RSRC1: variants seen among roughly 807,000 people sequenced by gnomAD.
RSRC1 encodes serine/Arginine-related protein 53.
RSRC1 carries 39 observed loss-of-function variants against 49.1 expected under a neutral mutation model. The observed-to-expected ratio is 0.79, with a 90% confidence interval of 0.61 to 1.04. The LOEUF (loss-of-function observed/expected upper bound fraction) is 1.04, where lower values mean the gene tolerates loss of function less well. Among genes scored for constraint, RSRC1 ranks in the 50% least tolerant of loss-of-function variants. The pLI, the probability that RSRC1 is intolerant of heterozygous loss-of-function variation, is 0.00. For missense variants in RSRC1, 388 were observed against 402.4 expected (o/e 0.96, Z 0.31); for synonymous variants, 143 against 130.8 (o/e 1.09, Z -0.63).
intron 5 of RSRC1, among the ~76,000 whole-genome samples, chr3:158,353,871 A>G (rs750384753): frequency 2.0e-5 from 3 of 152,102 alleles, no homozygotes; most frequent in Non-Finnish European, 4.4e-5. Flanking sequence ...TTTTTTTAAC[A>G]GGTCTTTAGT....
Position 158,150,198 on chromosome 3 carries a change from T to C in RSRC1, c.320+26207T>C, listed in dbSNP as rs551050724. ...GTGCTGTTTAAAGGATATGATAGAT[T>C]AAAGGCTGAAAGTTTTTAATTGAAT... is the stretch of plus-strand genomic sequence containing the variant. On this transcript the variant is annotated intron_variant, in intron 3 of 9. Transcript: ENST00000611884. 6.6e-5 allele frequency among the ~76,000 whole-genome samples: 10 copies of C among 152,354 alleles called. No individual in the cohort carries two copies. In the South Asian group the frequency reaches 2.1e-3, roughly 32 times the overall value.
intron 1 of RSRC1, among the ~76,000 whole-genome samples, chr3:158,116,522 AT>A (rs1231897073): frequency 6.6e-6 from 1 of 152,010 alleles, no homozygotes; most frequent in Non-Finnish European, 1.5e-5. Context: ...GACATTCTTA[AT>A]TGAAATTGCT....
chr3:158,354,411 A>G (rs1731049477), intron 5 of RSRC1, among the ~76,000 whole-genome samples: 1 of 152,200 alleles, frequency 6.6e-6, no homozygotes, highest in East Asian at 1.9e-4. Flanking sequence ...TCTTCATCAC[A>G]ATTGTTCCTT....
At chr3:158,361,530 G>T (rs1196490920) in intron 6 of RSRC1, among the ~76,000 whole-genome samples, 1 of 152,254 alleles carries the variant, frequency 6.6e-6, no homozygotes, top group East Asian at 1.9e-4. Flanking sequence ...CACCACCCAT[G>T]CCTCCCCCAC....
intron 3 of RSRC1, among the ~76,000 whole-genome samples, chr3:158,164,631 A>G (rs1718432553): frequency 6.6e-6 from 1 of 152,100 alleles, no homozygotes; most frequent in South Asian, 2.1e-4. Flanking sequence ...TTATAAAATG[A>G]TGTGAAATAT....
At chr3:158,518,117 T>C (rs866912088) in intron 7 of RSRC1, among the ~76,000 whole-genome samples, 916 of 76,364 alleles carry the variant, frequency 0.012, 45 homozygotes, top group African/African-American at 0.022. Flanking sequence ...TGTGTGTGTG[T>C]GTGTGTGTGT....
intron 7 of RSRC1, among the ~76,000 whole-genome samples, chr3:158,515,409 G>A (rs1740459044): frequency 7.8e-6 from 1 of 128,816 alleles, no homozygotes; most frequent in South Asian, 2.9e-4. Flanking sequence ...TTTTCTTTAA[G>A]AATGTTGAAT....
At chr3:158,143,602 T>G (rs1716883408) in intron 3 of RSRC1, among the ~76,000 whole-genome samples, 1 of 152,202 alleles carries the variant, frequency 6.6e-6, no homozygotes, top group Non-Finnish European at 1.5e-5. Context: ...GCTTATAAAA[T>G]TTTTTTAGGC....
chr3:158,417,833 G>A (rs1231973563), intron 6 of RSRC1, among the ~76,000 whole-genome samples: 1 of 150,978 alleles, frequency 6.6e-6, no homozygotes, highest in East Asian at 1.9e-4. Context: ...ATGGTGATAT[G>A]TGACTTATTA....
intron 7 of RSRC1, among the ~76,000 whole-genome samples, chr3:158,512,137 T>C (rs1249504691): frequency 7.4e-5 from 11 of 149,342 alleles, no homozygotes; most frequent in Non-Finnish European, 1.6e-4. Flanking sequence ...CATTTGTCAA[T>C]TTTGGCTTTT....
chr3:158,364,816 A>AATAATAATAATAAT (rs1731669009), intron 6 of RSRC1, among the ~76,000 whole-genome samples: 3 of 144,210 alleles, frequency 2.1e-5, no homozygotes, highest in Non-Finnish European at 4.5e-5. Flanking sequence ...AGAATGGGAA[A>AATAATAATAATAAT]AATAATAATA....
intron 4 of RSRC1, among the ~76,000 whole-genome samples, chr3:158,232,333 G>A (rs979119242): frequency 1.3e-4 from 19 of 151,868 alleles, no homozygotes; most frequent in South Asian, 1.0e-3. Context: ...ACATTTTATC[G>A]TATCTAACAA....
chr3:158,382,668 G>A (rs749124293), intron 6 of RSRC1, among the ~76,000 whole-genome samples: 2 of 152,150 alleles, frequency 1.3e-5, no homozygotes, highest in Non-Finnish European at 2.9e-5. Context: ...GGCGTGGTCT[G>A]AGAGAGCCAG....
chr3:158,163,053 G>A (rs1208856282), intron 3 of RSRC1, among the ~76,000 whole-genome samples: 1 of 152,066 alleles, frequency 6.6e-6, no homozygotes, highest in Admixed American at 6.6e-5. Flanking sequence ...CCCTAGGCTG[G>A]AGTACAGTGG....
intron 6 of RSRC1, among the ~76,000 whole-genome samples, chr3:158,398,957 T>G (rs1052694356): frequency 9.9e-5 from 15 of 152,038 alleles, no homozygotes; most frequent in Non-Finnish European, 2.9e-5. Context: ...TTGCTACATA[T>G]ATTTATCAAT....
At chr3:158,500,048 G>A (rs1280716361) in intron 7 of RSRC1, among the ~76,000 whole-genome samples, 4 of 152,086 alleles carry the variant, frequency 2.6e-5, no homozygotes, top group African/African-American at 7.2e-5. Flanking sequence ...CTTGTATGCC[G>A]ATTTTGCTGA....
chr3:158,493,087 G>C (rs1739154264), intron 7 of RSRC1, among the ~76,000 whole-genome samples: 1 of 152,148 alleles, frequency 6.6e-6, no homozygotes, highest in African/African-American at 2.4e-5. Context: ...TACTGGAGGG[G>C]GAGTGGGAAT....
intron 4 of RSRC1, among the ~76,000 whole-genome samples, chr3:158,282,289 G>A (rs1000766237): frequency 1.3e-5 from 2 of 152,192 alleles, no homozygotes; most frequent in Non-Finnish European, 2.9e-5. Flanking sequence ...TTAATATTCT[G>A]TCTATTCAAA....
intron 6 of RSRC1, among the ~76,000 whole-genome samples, chr3:158,459,286 C>G (rs1369487147): frequency 6.6e-6 from 1 of 151,900 alleles, no homozygotes; most frequent in African/African-American, 2.4e-5. Context: ...AAAGGATAAA[C>G]TAGCATAGTG....
Sources: allele counts gnomAD v4.1 joint callset (sites outside exome capture counted in the v4.1 genomes callset), GRCh38; gene constraint gnomAD v4.1.1; transcripts MANE v1.5; gene names NCBI Gene and HGNC (gene_info 2026-07-23, HGNC 2026-07-21).